CEP170: variants seen among roughly 807,000 people sequenced by gnomAD.
The protein encoded by CEP170 is centrosomal protein 170, also known as centrosomal protein of 170 kDa.
A neutral mutation model predicts 151.9 loss-of-function variants in CEP170; 21 were observed. The ratio of observed to expected loss-of-function variants is 0.14; its 90% confidence interval spans 0.10 to 0.20. The LOEUF (loss-of-function observed/expected upper bound fraction) is 0.20. CEP170 is among the 10% of genes least tolerant of loss of function. CEP170 has a pLI of 1.00. For synonymous variants in CEP170, 356 were observed against 648.8 expected (o/e 0.55, Z 6.86); for missense variants, 964 against 1,892.9 (o/e 0.51, Z 9.11).
rs574858030 is a variant in CEP170 at position 243,170,905 on chromosome 1, A to G, written c.1717-1151T>C. Among the ~76,000 whole-genome samples, 40 of 152,352 alleles carry G rather than the reference A, an allele frequency of 2.6e-4. No homozygotes were observed. The South Asian group carries it at 7.2e-3, about 28-fold the overall frequency. On this transcript the variant is annotated intron_variant, in intron 11 of 19. Coordinates refer to ENST00000366542, the MANE Select transcript of CEP170 (RefSeq NM_014812.3). The stretch of plus-strand genomic sequence containing the variant: ...ATCCAAGGTTTTCTGTTACCTGCCC[A>G]CATTTCTGAGCAGTGAAGGTGGTAC...
intron 4 of CEP170, among the ~76,000 whole-genome samples, chr1:243,205,673 CAGA>C (rs1370206066): frequency 3.3e-5 from 5 of 152,016 alleles, no homozygotes; most frequent in Non-Finnish European, 7.4e-5. Flanking sequence ...ACTTGTATTC[CAGA>C]AGAATGCTCA....
At chr1:243,213,590 G>C (rs893987490) in intron 3 of CEP170, among the ~76,000 whole-genome samples, 5 of 151,820 alleles carry the variant, frequency 3.3e-5, no homozygotes, top group Non-Finnish European at 7.4e-5. Context: ...TCTAATGCAA[G>C]AATCAATGAG....
At chr1:243,152,307 C>T (rs1249082931) in intron 14 of CEP170, among the ~76,000 whole-genome samples, 1 of 148,468 alleles carries the variant, frequency 6.7e-6, no homozygotes, top group Non-Finnish European at 1.5e-5. Context: ...CTGCAAGCTC[C>T]GCCTCCTGGG....
At chr1:243,173,065 CT>C (rs1021758453) in intron 10 of CEP170, among the ~76,000 whole-genome samples, 144 of 145,490 alleles carry the variant, frequency 9.9e-4, no homozygotes, top group Admixed American at 1.6e-3. Flanking sequence ...AGTAATTATC[CT>C]TTTTTTTTTT....
chr1:243,218,988 T>C (rs756202238), intron 3 of CEP170, among the ~76,000 whole-genome samples: 1 of 152,170 alleles, frequency 6.6e-6, no homozygotes, highest in African/African-American at 2.4e-5. Context: ...ATAATATGGA[T>C]AATAAGAGTA....
At chr1:243,136,704 G>A (rs1247245168) in intron 16 of CEP170, among the ~76,000 whole-genome samples, 11 of 150,102 alleles carry the variant, frequency 7.3e-5, no homozygotes, top group Non-Finnish European at 1.0e-4. Flanking sequence ...AAAAATTTAC[G>A]CAAAATAGTA....
At chr1:243,246,356 C>T (rs979783406) in intron 1 of CEP170, among the ~76,000 whole-genome samples, 2 of 151,478 alleles carry the variant, frequency 1.3e-5, no homozygotes, top group East Asian at 1.9e-4. Flanking sequence ...CTCAGCCTCC[C>T]GAGTAGCTGG....
At chr1:243,160,812 T>C (rs1187231833) in intron 13 of CEP170, among the ~76,000 whole-genome samples, 1 of 152,152 alleles carries the variant, frequency 6.6e-6, no homozygotes, top group Non-Finnish European at 1.5e-5. Flanking sequence ...ACATTTAATT[T>C]CTACTGCCTA....
rs2053751434 is a variant in CEP170 at position 243,126,854 on chromosome 1, A to C, written c.4466-116T>G. 19 of 641,812 alleles carry C rather than the reference A, an allele frequency of 3.0e-5. No individual in the cohort carries two copies. In the Middle Eastern group the frequency reaches 1.2e-3, roughly 41 times the overall value. The allele number at this position is 641,812 out of a possible 1,614,324, so 39.8% of individuals were successfully genotyped here. The stretch of plus-strand genomic sequence containing the variant: ...GCGTATGTGATCTTAAATGTGGCTA[A>C]TCTTCCAATATTATATTTAAAACTC... On this transcript the variant is annotated intron_variant, in intron 19 of 19. Coordinates refer to ENST00000366542, the MANE Select transcript of CEP170 (RefSeq NM_014812.3).
chr1:243,138,829 G>C (rs2055449012), intron 16 of CEP170, among the ~76,000 whole-genome samples: 1 of 152,062 alleles, frequency 6.6e-6, no homozygotes, highest in South Asian at 2.1e-4. Context: ...ACATATACTA[G>C]CAAGAAAATT....
intron 12 of CEP170, among the ~76,000 whole-genome samples, chr1:243,169,020 C>T (rs1429602505): frequency 6.6e-6 from 1 of 150,380 alleles, no homozygotes; most frequent in East Asian, 1.9e-4. Flanking sequence ...ATATGTGCTT[C>T]ATCTTTCTAT....
chr1:243,129,020 T>C (rs2054053044), intron 18 of CEP170, among the ~76,000 whole-genome samples: 2 of 152,104 alleles, frequency 1.3e-5, no homozygotes, highest in African/African-American at 4.8e-5. Context: ...AAAAAGAAGA[T>C]AAGCATTATA....
intron 10 of CEP170, among the ~76,000 whole-genome samples, chr1:243,183,353 C>A (rs1204147268): frequency 6.6e-6 from 1 of 152,132 alleles, no homozygotes. Context: ...ATGGCCCCAA[C>A]TTCAATCCCA....
intron 1 of CEP170, among the ~76,000 whole-genome samples, chr1:243,236,420 C>T (rs375443226): frequency 6.6e-6 from 1 of 152,186 alleles, no homozygotes; most frequent in Non-Finnish European, 1.5e-5. Context: ...TCTGTTTGGG[C>T]AATAAATGCT....
chr1:243,231,187 CATCATT>C (rs149626691), intron 1 of CEP170, among the ~76,000 whole-genome samples: 4,056 of 127,274 alleles, frequency 0.032, 94 homozygotes, highest in East Asian at 0.12. Flanking sequence ...TCATCATCAT[CATCATT>C]ATTATTATTA....
intron 8 of CEP170, among the ~76,000 whole-genome samples, chr1:243,189,473 G>A (rs1420818171): frequency 1.3e-5 from 2 of 150,460 alleles, no homozygotes; most frequent in East Asian, 2.0e-4. Context: ...GGAGAATCGC[G>A]TGAACCCAGG....
chr1:243,252,057 A>G (rs1175903256), intron 1 of CEP170, among the ~76,000 whole-genome samples: 1 of 152,138 alleles, frequency 6.6e-6, no homozygotes, highest in Non-Finnish European at 1.5e-5. Context: ...CTGATTAGAA[A>G]TTTTGGTTAT....
At chr1:243,161,486 T>A (rs2058064445) in intron 13 of CEP170, among the ~76,000 whole-genome samples, 1 of 152,108 alleles carries the variant, frequency 6.6e-6, no homozygotes, top group East Asian at 1.9e-4. Flanking sequence ...AACTTTTTTT[T>A]AATGGAGACA....
At chr1:243,134,555 TGC>T (rs2054803827) in intron 17 of CEP170, among the ~76,000 whole-genome samples, 1 of 152,172 alleles carries the variant, frequency 6.6e-6, no homozygotes, top group African/African-American at 2.4e-5. Flanking sequence ...TGTGGTGCAG[TGC>T]CATGATCATG....
Sources: allele counts gnomAD v4.1 joint callset (sites outside exome capture counted in the v4.1 genomes callset), GRCh38; gene constraint gnomAD v4.1.1; transcripts MANE v1.5; gene names NCBI Gene and HGNC (gene_info 2026-07-23, HGNC 2026-07-21).